Variants in AMOTL1 observed in about 807,000 individuals in gnomAD.
AMOTL1 encodes angiomotin like 1.
Under a neutral mutation model 102.9 loss-of-function variants are expected in AMOTL1, and 45 were observed. The observed-to-expected ratio is 0.44, with a 90% CI of 0.34 to 0.56. The LOEUF (loss-of-function observed/expected upper bound fraction) is 0.56, where lower values mean the gene tolerates loss of function less well. AMOTL1 is among the 20% of genes least tolerant of loss of function. The pLI, the probability that AMOTL1 is intolerant of heterozygous loss-of-function variation, is 0.01. For synonymous variants in AMOTL1, 481 were observed against 484.7 expected (o/e 0.99, Z 0.10); for missense variants, 1,114 against 1,225.6 (o/e 0.91, Z 1.36).
At chr11:94,817,877 T>C (rs1019991709) in intron 3 of AMOTL1, among the ~76,000 whole-genome samples, 1 of 152,184 alleles carries the variant, frequency 6.6e-6, no homozygotes, top group Non-Finnish European at 1.5e-5. Context: ...TGAAATAATC[T>C]TTTTTATGAC....
At chr11:94,742,395 A>G (rs780320316) in intron 3 of AMOTL1, among the ~76,000 whole-genome samples, 8 of 152,232 alleles carry the variant, frequency 5.3e-5, no homozygotes, top group Non-Finnish European at 1.2e-4. Flanking sequence ...GTACATAAAC[A>G]TAAGCAATGG....
intron 3 of AMOTL1, among the ~76,000 whole-genome samples, chr11:94,762,584 G>A (rs542813309): frequency 5.9e-5 from 9 of 152,174 alleles, no homozygotes; most frequent in South Asian, 2.1e-4. Context: ...CAAGGTTTCC[G>A]TAGTAGTAGT....
rs774033613 is a variant in AMOTL1 at position 94,869,252 on chromosome 11, C to T, written c.2543C>T (p.Pro848Leu). 3 of 1,613,058 alleles carry T rather than the reference C, an allele frequency of 1.9e-6. No homozygotes were observed. Among genetic ancestry groups the T allele is most frequent in the Non-Finnish European group, 2.5e-6 (3 of 1,179,354 alleles). Residue 848 changes from proline to leucine, a missense_variant, in exon 12 of 13, where the codon CCC (proline) becomes CTC (leucine). Physicochemically the swap from Pro to Leu is moderately conservative, Grantham distance 98. Transcript: ENST00000433060. ...CATGCCTCTGCCCCACTGCTGCCAC[C>T]CCCACCCACCTCAGCACTGTCCTCC... ...HEHASAPLLP[P>L]PPTSALSSIA...
intron 3 of AMOTL1, among the ~76,000 whole-genome samples, chr11:94,817,849 C>T (rs777338366): frequency 4.6e-5 from 7 of 152,148 alleles, no homozygotes; most frequent in East Asian, 1.9e-4. Context: ...GACTTAATTA[C>T]GTAGACTAAT....
intron 4 of AMOTL1, among the ~76,000 whole-genome samples, chr11:94,822,542 G>A (rs2033367): frequency 0.24 from 36,242 of 152,058 alleles, 4,932 homozygotes; most frequent in East Asian, 0.46. Context: ...TCATTAGCCG[G>A]TCTCTGCAAA....
intron 1 of AMOTL1, among the ~76,000 whole-genome samples, chr11:94,789,437 G>C (rs1202337130): frequency 6.6e-6 from 1 of 152,240 alleles, no homozygotes; most frequent in African/African-American, 2.4e-5. Flanking sequence ...GGGATTACAG[G>C]CTTGAGCCAC....
chr11:94,770,907 G>A (rs1950939273), intron 1 of AMOTL1, among the ~76,000 whole-genome samples: 1 of 152,132 alleles, frequency 6.6e-6, no homozygotes, highest in African/African-American at 2.4e-5. Flanking sequence ...CAGCTTTTCT[G>A]ATGTCTACCC....
At chr11:94,866,534 A>C (rs1048879646) in intron 11 of AMOTL1, 1 of 249,696 alleles carries the variant, frequency 4.0e-6, no homozygotes, top group African/African-American at 2.2e-5. Context: ...CTCTGCTTCC[A>C]CGTCTGGAAA....
At chr11:94,798,984 A>G (rs1231146619) in intron 2 of AMOTL1, among the ~76,000 whole-genome samples, 12 of 151,972 alleles carry the variant, frequency 7.9e-5, no homozygotes, top group Admixed American at 7.2e-4. Flanking sequence ...AGGAAAAGTG[A>G]GATACAGGGT....
At chr11:94,840,681 T>TACACACACACACAC (rs111907230) in intron 6 of AMOTL1, among the ~76,000 whole-genome samples, 22 of 104,734 alleles carry the variant, frequency 2.1e-4, no homozygotes, top group African/African-American at 8.9e-4. Context: ...TATATATATA[T>TACACACACACACAC]ACACACACAC....
At chr11:94,724,426 C>T (rs937667329) in intron 1 of AMOTL1, among the ~76,000 whole-genome samples, 16 of 152,188 alleles carry the variant, frequency 1.1e-4, no homozygotes, top group Admixed American at 8.5e-4. Context: ...GGCTATCTGG[C>T]GAGGGAGTGA....
At chr11:94,843,411 T>C (rs901167282) in intron 6 of AMOTL1, among the ~76,000 whole-genome samples, 54 of 152,254 alleles carry the variant, frequency 3.5e-4, no homozygotes, top group Middle Eastern at 3.4e-3. Flanking sequence ...CCCCTGAGTG[T>C]GGAATATCTT....
Position 94,850,277 on chromosome 11 carries a change from G to A in AMOTL1, c.1794+18G>A. On this transcript the variant is annotated intron_variant, in intron 7 of 12. Transcript: ENST00000433060. ...AAGAGGAGGTGAGACCAGGCTGTGG[G>A]GATTTGGTGGGGAAGAGGGCAAGCA... 2 of 1,583,006 alleles carry A rather than the reference G, an allele frequency of 1.3e-6. No individual in the cohort carries two copies. Among genetic ancestry groups the A allele is most frequent in the East Asian group, 4.6e-5 (2 of 43,854 alleles).
chr11:94,858,973 G>C (rs1349690154), intron 8 of AMOTL1, among the ~76,000 whole-genome samples: 1 of 152,114 alleles, frequency 6.6e-6, no homozygotes, highest in Non-Finnish European at 1.5e-5. Flanking sequence ...TCATTCTCAG[G>C]CCTCTGAGTG....
rs187569404 is a variant in AMOTL1 at position 94,807,108 on chromosome 11, T to C, written c.1121+6797T>C. Among the ~76,000 whole-genome samples the C allele has an allele frequency of 1.3e-4, 20 of 152,306 alleles. 1 individual carries two copies. In the East Asian group the frequency reaches 3.7e-3, roughly 28 times the overall value. On this transcript the variant is annotated intron_variant, in intron 3 of 12. Transcript: ENST00000433060. ...TTCTTCGTTCGATAAATAAAACATA[T>C]TCATTGCACAAAATTTAGAAATACA...
At chr11:94,790,601 T>C (rs1017561175) in intron 1 of AMOTL1, among the ~76,000 whole-genome samples, 1 of 152,200 alleles carries the variant, frequency 6.6e-6, no homozygotes, top group Non-Finnish European at 1.5e-5. Flanking sequence ...AGCAGGACTA[T>C]GCACAGCTAA....
intron 1 of AMOTL1, among the ~76,000 whole-genome samples, chr11:94,718,457 A>C (rs1190714714): frequency 6.6e-6 from 1 of 152,024 alleles, no homozygotes; most frequent in African/African-American, 2.4e-5. Context: ...GCTAAATCAA[A>C]TGACATATGA....
At chr11:94,796,396 G>A (rs1304384358) in intron 2 of AMOTL1, among the ~76,000 whole-genome samples, 2 of 152,200 alleles carry the variant, frequency 1.3e-5, no homozygotes, top group South Asian at 2.1e-4. Context: ...TATCAGGACA[G>A]GGTTCAAGGC....
In AMOTL1 at chr11:94,799,051, T is replaced by C. The variant is rs938904760; in HGVS notation, c.200-339T>C. ...AAGGTGGTTTCTTTTGGTTTGATTT[T>C]GGTTTTCTCTTGTATTTTTTTTTAA... On this transcript the variant is annotated intron_variant, in intron 2 of 12. Transcript: ENST00000433060. This position sits in a 1 kb window ranked among gnomAD's most constrained non-coding sequence, Gnocchi z 4.5. 6.6e-6 allele frequency among the ~76,000 whole-genome samples: 1 copy of C among 152,088 alleles called. No homozygotes were observed. The highest frequency in any genetic ancestry group is 1.5e-5 in the Non-Finnish European group (1 of 68,014).
Sources: gnomAD v4.1 joint callset for allele counts (sites outside exome capture counted in the v4.1 genomes callset) on GRCh38, gnomAD v4.1.1 for gene constraint, Gnocchi (gnomAD v3.1) non-coding constraint, MANE v1.5 for transcripts, NCBI Gene and HGNC (gene_info 2026-07-23, HGNC 2026-07-21) for gene names.